The following G3BP1 variants were observed in gnomAD, a reference collection of about 807,000 sequenced individuals.
The protein encoded by G3BP1 is ras GTPase-activating protein-binding protein 1.
G3BP1 carries 35 observed loss-of-function variants against 58.6 expected under a neutral mutation model. That is an observed-to-expected ratio of 0.60 (90% confidence interval 0.46 to 0.79). The LOEUF (loss-of-function observed/expected upper bound fraction) is 0.79. Among genes scored for constraint, G3BP1 ranks in the 30% least tolerant of loss-of-function variants. The pLI is 0.00. For missense variants in G3BP1, 523 were observed against 580.8 expected, an observed-to-expected ratio of 0.90 and a Z score of 1.02; for synonymous variants, 191 against 195.4, an observed-to-expected ratio of 0.98 and a Z score of 0.19.
At chr5:151,788,745 C>T (rs1189291489) in intron 2 of G3BP1, among the ~76,000 whole-genome samples, 1 of 151,892 alleles carries the variant, frequency 6.6e-6, no homozygotes, top group African/African-American at 2.4e-5. Context: ...TCCTGAGTAG[C>T]TGGGACTATG....
At chr5:151,799,033 G>A (rs1436355867) in intron 7 of G3BP1, among the ~76,000 whole-genome samples, 179 bp from the exon 8 acceptor site, 1 of 152,054 alleles carries the variant, frequency 6.6e-6, no homozygotes, top group African/African-American at 2.4e-5. Context: ...CAGTCCCAAG[G>A]AATTTCAGTA....
chr5:151,786,567 T>C lies in G3BP1; in HGVS notation c.-49-5T>C. 1 of 1,105,814 alleles carries C rather than the reference T, an allele frequency of 9.0e-7. No individual in the cohort carries two copies. The highest frequency in any genetic ancestry group is 1.4e-6 in the Non-Finnish European group (1 of 716,758). 68.5% of individuals were successfully genotyped at this position (1,105,814 alleles called of 1,614,324 possible). On this transcript the variant is annotated splice_polypyrimidine_tract_variant and splice_region_variant and intron_variant, in intron 1 of 11. Coordinates refer to ENST00000356245, the MANE Select transcript of G3BP1 (RefSeq NM_005754.3). ...CGGTCTTTTCCCCTGTGTTTGATCC[T>C]TCAGGTTTGGACATATTTGACTCTT...
chr5:151,793,337 G>T (rs1263353325), intron 4 of G3BP1, among the ~76,000 whole-genome samples: 1 of 152,140 alleles, frequency 6.6e-6, no homozygotes, highest in Non-Finnish European at 1.5e-5. Flanking sequence ...TTGAACTCCT[G>T]ACCTTAGGTG....
In G3BP1 at chr5:151,809,921, A is replaced by T. The variant is rs1332332967; in HGVS notation, c.*5830A>T. ...ACATTAACTTGTGCTCCCCTCAGGG[A>T]TGGGTTTACTACTAGCTGTCAGAAA... On this transcript the variant is annotated 3_prime_UTR_variant, in exon 12 of 12. Coordinates refer to ENST00000356245, the MANE Select transcript of G3BP1 (RefSeq NM_005754.3). 2.6e-5 allele frequency: 4 copies of T among 152,092 alleles called. No homozygotes were observed. The highest frequency in any genetic ancestry group is 9.7e-5 in the African/African-American group (4 of 41,394). The allele number at this position is 152,092 out of a possible 1,614,324, so 9.4% of individuals were successfully genotyped here.
intron 7 of G3BP1, among the ~76,000 whole-genome samples, chr5:151,798,238 T>A (rs1030968514): frequency 6.6e-6 from 1 of 152,202 alleles, no homozygotes; most frequent in Non-Finnish European, 1.5e-5. Flanking sequence ...TGGTCCCACC[T>A]GCTTGGGAGG....
In G3BP1 at chr5:151,777,512, T is replaced by C. The variant is rs77505995; in HGVS notation, c.-50+5476T>C. Among the ~76,000 whole-genome samples the C allele has an allele frequency of 5.2e-3, 792 of 152,342 alleles. 9 individuals carry two copies. Among genetic ancestry groups the C allele is most frequent in the African/African-American group, 0.018 (746 of 41,568 alleles). On this transcript the variant is annotated intron_variant, in intron 1 of 11. Coordinates refer to ENST00000356245, the MANE Select transcript of G3BP1 (RefSeq NM_005754.3). Reference sequence around the variant, plus strand: ...ACATCTTTCCAGGCTGTTTTATTGATGGGGAATTTTTAAAAATAGCTTTAT... The same window carrying C: ...ACATCTTTCCAGGCTGTTTTATTGACGGGGAATTTTTAAAAATAGCTTTAT...
At chr5:151,802,098 C>T (rs761785574) in intron 11 of G3BP1, among the ~76,000 whole-genome samples, 6 of 152,106 alleles carry the variant, frequency 3.9e-5, no homozygotes, top group Non-Finnish European at 8.8e-5. Flanking sequence ...ATTATAGGTG[C>T]GAGCCAATGC....
chr5:151,800,889 G>GT lies in G3BP1; in HGVS notation c.1194+20_1194+21insT. The GT allele has an allele frequency of 5.1e-6, 5 of 979,656 alleles. No individual in the cohort carries two copies. The highest frequency in any genetic ancestry group is 2.6e-4 in the Middle Eastern group (1 of 3,904). The allele number at this position is 979,656 out of a possible 1,614,324, so 60.7% of individuals were successfully genotyped here. ...AACAGGGTAAGCAGCTTTTTGTCTT[G>GT]ATTTTTTTTTTTTTTTTTTAAAAAG... On this transcript the variant is annotated intron_variant, in intron 11 of 11. Coordinates refer to ENST00000356245, the MANE Select transcript of G3BP1 (RefSeq NM_005754.3).
chr5:151,782,494 C>G (rs1762485166), intron 1 of G3BP1, among the ~76,000 whole-genome samples: 1 of 152,144 alleles, frequency 6.6e-6, no homozygotes, highest in Non-Finnish European at 1.5e-5. Flanking sequence ...TAATATCTTT[C>G]TAGATCTTAC....
At chr5:151,786,350 C>T (rs1388994656) in intron 1 of G3BP1, among the ~76,000 whole-genome samples, 3 of 152,256 alleles carry the variant, frequency 2.0e-5, no homozygotes, top group South Asian at 2.1e-4. Flanking sequence ...GAGGTTCTTA[C>T]GTCTTGAATA....
In G3BP1 at chr5:151,790,939, G is replaced by A; in HGVS notation, c.228G>A (p.Lys76=). ...MSQNFTNCHT[K]IRHVDAHATL... The stretch of plus-strand genomic sequence containing the variant: ...AAAACTTCACCAACTGCCACACCAA[G>A]ATTCGCCATGTTGATGCTCATGCCA... The change falls in exon 4 of 12, where the codon AAG becomes AAA. Residue 76 remains lysine (K), a synonymous_variant. Transcript: ENST00000356245. 2 of 1,610,764 alleles carry A rather than the reference G, an allele frequency of 1.2e-6. No homozygotes were observed. The highest frequency in any genetic ancestry group is 1.7e-6 in the Non-Finnish European group (2 of 1,178,306).
chr5:151,788,972 CCT>C (rs1171813700), intron 2 of G3BP1, among the ~76,000 whole-genome samples: 1 of 151,918 alleles, frequency 6.6e-6, no homozygotes, highest in Non-Finnish European at 1.5e-5. Context: ...AGACGGTTTC[CCT>C]GTGTTGGTCA....
Position 151,812,292 on chromosome 5 carries a change from G to C in G3BP1, c.*8201G>C, listed in dbSNP as rs1000787751. On this transcript the variant is annotated 3_prime_UTR_variant, in exon 12 of 12. Transcript: ENST00000356245. ...CTTCTTGAATAATGTACTAATGAAC[G>C]ATAGTGTTTCAGGAAACATGCCCTA... 7 of 152,126 alleles carry C rather than the reference G, an allele frequency of 4.6e-5. No homozygotes were observed. Among genetic ancestry groups the C allele is most frequent in the African/African-American group, 1.7e-4 (7 of 41,424 alleles). 9.4% of individuals were successfully genotyped at this position (152,126 alleles called of 1,614,324 possible).
At chr5:151,798,756 G>T (rs1762797184) in intron 7 of G3BP1, among the ~76,000 whole-genome samples, 1 of 152,170 alleles carries the variant, frequency 6.6e-6, no homozygotes, top group Non-Finnish European at 1.5e-5. Context: ...CTTGAGTTTA[G>T]GAGTTCAAGA....
chr5:151,788,513 C>G (rs1762590210), intron 2 of G3BP1, among the ~76,000 whole-genome samples: 2 of 151,162 alleles, frequency 1.3e-5, no homozygotes, highest in Admixed American at 1.3e-4. Context: ...ATCCTCCTGC[C>G]TCAGCTTCCT....
chr5:151,798,553 C>T (rs1762794824), intron 7 of G3BP1, among the ~76,000 whole-genome samples: 1 of 152,278 alleles, frequency 6.6e-6, no homozygotes, highest in South Asian at 2.1e-4. Context: ...GATGATTCTA[C>T]AATTGATGTA....
chr5:151,802,433 T>C (rs1762870498), intron 11 of G3BP1, among the ~76,000 whole-genome samples: 1 of 152,246 alleles, frequency 6.6e-6, no homozygotes, highest in African/African-American at 2.4e-5. Flanking sequence ...GTAAGACTGA[T>C]TGCCGTGGTG....
Position 151,779,909 on chromosome 5 carries a change from T to A in G3BP1, c.-49-6663T>A, listed in dbSNP as rs185735455. On this transcript the variant is annotated intron_variant, in intron 1 of 11. Coordinates refer to ENST00000356245, the MANE Select transcript of G3BP1 (RefSeq NM_005754.3). ...TTACAGATAGGGTGGCAGTTATTTG[T>A]TTTTGTCTTGTGTGAGTTTGTTTTG... 3.3e-5 allele frequency among the ~76,000 whole-genome samples: 5 copies of A among 152,344 alleles called. No homozygotes were observed. The East Asian group carries it at 9.6e-4, about 29-fold the overall frequency.
intron 1 of G3BP1, among the ~76,000 whole-genome samples, chr5:151,777,533 T>C (rs1762394381): frequency 6.6e-6 from 1 of 152,200 alleles, no homozygotes; most frequent in Non-Finnish European, 1.5e-5. Flanking sequence ...TAAAAATAGC[T>C]TTATTGAGGT....
Sources: gnomAD v4.1 joint callset for allele counts (sites outside exome capture counted in the v4.1 genomes callset) on GRCh38, gnomAD v4.1.1 for gene constraint, MANE v1.5 for transcripts, NCBI Gene and HGNC (gene_info 2026-07-23, HGNC 2026-07-21) for gene names.